ZNF385D: variants seen among roughly 807,000 people sequenced by gnomAD.
The protein encoded by ZNF385D is zinc finger protein 659.
A neutral mutation model predicts 35.8 loss-of-function variants in ZNF385D; 15 were observed. The ratio of observed to expected loss-of-function variants is 0.42; its 90% CI spans 0.28 to 0.64. The LOEUF (loss-of-function observed/expected upper bound fraction) is 0.64. Among genes scored for constraint, ZNF385D ranks in the 30% least tolerant of loss-of-function variants. ZNF385D has a pLI of 0.23. For missense variants in ZNF385D, 474 were observed against 494.6 expected (o/e 0.96, Z 0.39); for synonymous variants, 212 against 186.8 (o/e 1.13, Z -1.10).
At chr3:22,105,166 G>C (rs1343054874) in intron 3 of ZNF385D, among the ~76,000 whole-genome samples, 3 of 151,968 alleles carry the variant, frequency 2.0e-5, no homozygotes, top group African/African-American at 4.8e-5. Flanking sequence ...ATGGGAAGTA[G>C]GCAGAAGGGA....
intron 3 of ZNF385D, among the ~76,000 whole-genome samples, chr3:21,824,424 A>G (rs1468072903): frequency 6.8e-6 from 1 of 148,100 alleles, no homozygotes; most frequent in Admixed American, 6.8e-5. Flanking sequence ...TAAAAAACAA[A>G]ATCTTCTTCT....
intron 3 of ZNF385D, among the ~76,000 whole-genome samples, chr3:22,019,711 A>C (rs529545770): frequency 6.6e-6 from 1 of 152,084 alleles, no homozygotes; most frequent in Admixed American, 6.6e-5. Context: ...TGGAGACTCT[A>C]CATTTATGCT....
At chr3:21,803,934 T>C (rs112795949) in intron 3 of ZNF385D, among the ~76,000 whole-genome samples, 42 of 152,316 alleles carry the variant, frequency 2.8e-4, no homozygotes, top group Non-Finnish European at 5.3e-4. Flanking sequence ...AAATAAGAAA[T>C]TGTGTATTCT....
At chr3:21,572,247 A>T (rs928891177) in intron 2 of ZNF385D, among the ~76,000 whole-genome samples, 3 of 152,200 alleles carry the variant, frequency 2.0e-5, no homozygotes, top group Non-Finnish European at 4.4e-5. Flanking sequence ...GATAAGGCCA[A>T]ACTTTTTATA....
At chr3:22,162,086 C>G (rs892973637) in intron 3 of ZNF385D, among the ~76,000 whole-genome samples, 1 of 152,134 alleles carries the variant, frequency 6.6e-6, no homozygotes, top group Admixed American at 6.6e-5. Flanking sequence ...GTTCCCTTCT[C>G]ATTTCTTTTG....
rs78539131 is a variant in ZNF385D at position 22,305,162 on chromosome 3, G to A, written c.106+67288C>T. ...TAATCTCTTTATTCACGAATTACTC[G>A]CTTATTAGATTTTATTGAGAACAAA... On this transcript the variant is annotated intron_variant, in intron 2 of 5. Coordinates refer to the ZNF385D transcript ENST00000494108. 5.0e-3 allele frequency among the ~76,000 whole-genome samples: 751 copies of A among 151,596 alleles called. 2 individuals carry two copies. The highest frequency in any genetic ancestry group is 0.017 in the African/African-American group (706 of 41,302).
At chr3:22,042,335 G>GAA (rs1480414395) in intron 3 of ZNF385D, among the ~76,000 whole-genome samples, 1 of 151,920 alleles carries the variant, frequency 6.6e-6, no homozygotes, top group Non-Finnish European at 1.5e-5. Flanking sequence ...CATATTAAGT[G>GAA]CCCAATTTTA....
Position 21,871,141 on chromosome 3 carries a change from C to T in ZNF385D, c.326-206113G>A, listed in dbSNP as rs9835823. 3.7e-3 allele frequency among the ~76,000 whole-genome samples: 559 copies of T among 152,246 alleles called. 4 individuals carry two copies. Among genetic ancestry groups the T allele is most frequent in the African/African-American group, 0.012 (517 of 41,560 alleles). On this transcript the variant is annotated intron_variant, in intron 3 of 5. Transcript: ENST00000494108. ...CTTGCTTGCTTTATTCTGGCAGTAT[C>T]GGGTCATCTCTAGTCTTTGAGTCAC...
At chr3:22,172,034 T>C (rs1333027134) in intron 2 of ZNF385D, among the ~76,000 whole-genome samples, 2 of 152,206 alleles carry the variant, frequency 1.3e-5, no homozygotes, top group African/African-American at 4.8e-5. Context: ...AAATTTGACA[T>C]ATTTGAGTTC....
At chr3:21,974,505 G>C (rs1703470177) in intron 3 of ZNF385D, among the ~76,000 whole-genome samples, 2 of 152,048 alleles carry the variant, frequency 1.3e-5, no homozygotes, top group African/African-American at 2.4e-5. Flanking sequence ...CTAGGGCATT[G>C]GTCTGGGCAA....
At chr3:21,753,723 T>C (rs920993274), upstream of ZNF385D, among the ~76,000 whole-genome samples, 3 of 152,038 alleles carry the variant, frequency 2.0e-5, no homozygotes, top group South Asian at 4.2e-4. Flanking sequence ...CATAAAACTA[T>C]TTTATTTATT....
At chr3:22,128,331 T>A (rs1210193618) in intron 3 of ZNF385D, among the ~76,000 whole-genome samples, 1 of 152,150 alleles carries the variant, frequency 6.6e-6, no homozygotes, top group Non-Finnish European at 1.5e-5. Context: ...TATTCTTGAC[T>A]TTTGGGAGTC....
In ZNF385D at chr3:21,496,472, A is replaced by ATGTG. The variant is rs1705878904; in HGVS notation, c.439+14388_439+14389insCACA. Among the ~76,000 whole-genome samples, 4 of 65,104 alleles carry ATGTG rather than the reference A, an allele frequency of 6.1e-5. No homozygotes were observed. In the South Asian group the frequency reaches 1.0e-3, roughly 17 times the overall value. 42.7% of individuals were successfully genotyped at this position (65,104 alleles called of 152,430 possible). A position where few individuals can be genotyped will look rare whatever the true frequency, so the allele number is the denominator to read the frequency against. The stretch of plus-strand genomic sequence containing the variant: ...CATATTTGATATATATATCATATAT[A>ATGTG]TACATATATACACATATATTTGATA... On this transcript the variant is annotated intron_variant, in intron 4 of 7. Coordinates refer to ENST00000281523, the MANE Select transcript of ZNF385D (RefSeq NM_024697.3).
Position 21,970,465 on chromosome 3 carries a change from T to C in ZNF385D, c.325+198352A>G, listed in dbSNP as rs149168667. On this transcript the variant is annotated intron_variant, in intron 3 of 5. Transcript: ENST00000494108. ...GAATTGATCAAGCAAAAGAAATAAA[T>C]AGTGAGCTTGAATACAGGCTTTTTG... Among the ~76,000 whole-genome samples the C allele has an allele frequency of 2.1e-3, 321 of 151,096 alleles. 2 individuals are homozygous for C. Among genetic ancestry groups the C allele is most frequent in the African/African-American group, 7.3e-3 (304 of 41,394 alleles).
chr3:22,219,476 GA>G (rs1698116104), intron 2 of ZNF385D, among the ~76,000 whole-genome samples: 1 of 152,104 alleles, frequency 6.6e-6, no homozygotes, highest in African/African-American at 2.4e-5. Context: ...GGAATTATCA[GA>G]AAGGTCATGC....
At chr3:22,024,230 C>G (rs1244842677) in intron 3 of ZNF385D, among the ~76,000 whole-genome samples, 1 of 152,116 alleles carries the variant, frequency 6.6e-6, no homozygotes. Context: ...CTTGGACTGG[C>G]TCTCCTTGCT....
At chr3:21,937,813 G>A (rs1001456754) in intron 3 of ZNF385D, among the ~76,000 whole-genome samples, 2 of 152,076 alleles carry the variant, frequency 1.3e-5, no homozygotes, top group African/African-American at 4.8e-5. Flanking sequence ...CCCAATGCTT[G>A]CTTTAAATGT....
chr3:22,094,385 G>GAC (rs1491256865), intron 3 of ZNF385D, among the ~76,000 whole-genome samples: 1 of 70,828 alleles, frequency 1.4e-5, no homozygotes, highest in African/African-American at 4.3e-5. Flanking sequence ...ATTTATTGTT[G>GAC]ATATATATAT....
At chr3:21,780,424 T>C (rs958306338) in intron 3 of ZNF385D, among the ~76,000 whole-genome samples, 1 of 152,034 alleles carries the variant, frequency 6.6e-6, no homozygotes, top group African/African-American at 2.4e-5. Flanking sequence ...TTGTTTCTAC[T>C]GCGCAGCCCT....
Sources: gnomAD v4.1 joint callset for allele counts (sites outside exome capture counted in the v4.1 genomes callset) on GRCh38, gnomAD v4.1.1 for gene constraint, MANE v1.5 for transcripts, NCBI Gene and HGNC (gene_info 2026-07-23, HGNC 2026-07-21) for gene names.